Variants in MAGI1 observed in about 807,000 individuals in gnomAD.
The protein encoded by MAGI1 is membrane associated guanylate kinase, WW and PDZ domain containing 1, also known as membrane-associated guanylate kinase, WW and PDZ domain-containing protein 1.
A neutral mutation model predicts 139.9 loss-of-function variants in MAGI1; 58 were observed. The ratio of observed to expected loss-of-function variants is 0.41; its 90% CI spans 0.34 to 0.52. The LOEUF (loss-of-function observed/expected upper bound fraction) is 0.52. Among genes scored for constraint, MAGI1 ranks in the 20% least tolerant of loss-of-function variants. The pLI is 0.12. For synonymous variants in MAGI1, 812 were observed against 737.9 expected (o/e 1.10, Z -1.63); for missense variants, 1,874 against 1,901.6 (o/e 0.99, Z 0.27).
At chr3:65,507,418 T>G (rs183375566) in intron 2 of MAGI1, among the ~76,000 whole-genome samples, 6 of 152,274 alleles carry the variant, frequency 3.9e-5, no homozygotes, top group East Asian at 1.9e-4. Context: ...CACATAAAAT[T>G]GTATGAGGAT....
intron 1 of MAGI1, among the ~76,000 whole-genome samples, chr3:65,780,869 T>A (rs1403491774): frequency 6.6e-6 from 1 of 152,222 alleles, no homozygotes; most frequent in Non-Finnish European, 1.5e-5. Flanking sequence ...GTAAGGGCCA[T>A]GACTACGGGT....
At chr3:65,410,804 A>G (rs1336823636) in intron 12 of MAGI1, among the ~76,000 whole-genome samples, 1 of 151,474 alleles carries the variant, frequency 6.6e-6, no homozygotes, top group Non-Finnish European at 1.5e-5. Flanking sequence ...CAACGAGATC[A>G]GTCTCTGATT....
At chr3:65,951,023 GGAA>G (rs2063827664) in intron 1 of MAGI1, among the ~76,000 whole-genome samples, 12 of 103,944 alleles carry the variant, frequency 1.2e-4, no homozygotes, top group Admixed American at 5.0e-4. Flanking sequence ...AAGGAAGGAA[GGAA>G]GGAAGGAAGG....
chr3:65,494,059 G>A (rs543258986), intron 2 of MAGI1, among the ~76,000 whole-genome samples: 3 of 152,208 alleles, frequency 2.0e-5, no homozygotes, highest in East Asian at 1.9e-4. Context: ...TGAGATTCTC[G>A]TATTCCTCAA....
At chr3:65,551,042 T>C (rs993346580) in intron 2 of MAGI1, among the ~76,000 whole-genome samples, 1 of 152,152 alleles carries the variant, frequency 6.6e-6, no homozygotes, top group Admixed American at 6.5e-5. Flanking sequence ...GTAATCCCCA[T>C]GTGTCCAGGG....
chr3:65,563,591 C>T (rs1483923902), intron 2 of MAGI1, among the ~76,000 whole-genome samples: 1 of 152,150 alleles, frequency 6.6e-6, no homozygotes, highest in Non-Finnish European at 1.5e-5. Context: ...CTGCCAAAAC[C>T]CAGTGTGAAC....
Position 65,989,129 on chromosome 3 carries a change from T to G in MAGI1, c.313+48867A>C, listed in dbSNP as rs920594312. Among the ~76,000 whole-genome samples the G allele has an allele frequency of 2.6e-5, 4 of 152,238 alleles. 1 individual carries two copies. Among genetic ancestry groups the G allele is most frequent in the Non-Finnish European group, 5.9e-5 (4 of 68,042 alleles). ...AATTACACATTTAAAATGCTTCCTATGCAGACACTATTCAAAGCACTGTCA... is the reference window on the plus strand; with the variant it reads ...AATTACACATTTAAAATGCTTCCTAGGCAGACACTATTCAAAGCACTGTCA... On this transcript the variant is annotated intron_variant, in intron 1 of 22. Coordinates refer to ENST00000402939, the MANE Select transcript of MAGI1 (RefSeq NM_001033057.2).
intron 3 of MAGI1, among the ~76,000 whole-genome samples, chr3:65,490,528 T>A (rs1288621543): frequency 2.6e-5 from 4 of 152,124 alleles, no homozygotes; most frequent in Admixed American, 2.6e-4. Context: ...CAATATAATA[T>A]ACTCTGGTCA....
At chr3:65,854,574 T>C (rs1482004928) in intron 1 of MAGI1, among the ~76,000 whole-genome samples, 15 of 152,240 alleles carry the variant, frequency 9.9e-5, no homozygotes, top group Admixed American at 6.5e-4. Flanking sequence ...AATGGATAAC[T>C]TTGCAATATG....
intron 1 of MAGI1, among the ~76,000 whole-genome samples, chr3:65,856,886 G>A (rs2059394009): frequency 6.6e-6 from 1 of 152,190 alleles, no homozygotes; most frequent in African/African-American, 2.4e-5. Flanking sequence ...CCTAACGGAA[G>A]GGGAACTCAA....
At chr3:65,581,722 AC>A (rs2081433048) in intron 2 of MAGI1, among the ~76,000 whole-genome samples, 1 of 152,092 alleles carries the variant, frequency 6.6e-6, no homozygotes, top group African/African-American at 2.4e-5. Context: ...CCATCAGCAT[AC>A]CCAATACCCC....
At chr3:66,019,808 C>G (rs145579265) in intron 1 of MAGI1, among the ~76,000 whole-genome samples, 121 of 152,302 alleles carry the variant, frequency 7.9e-4, no homozygotes, top group Non-Finnish European at 1.4e-3. Flanking sequence ...TTTGACCTTT[C>G]TCTAAATCCA....
intron 1 of MAGI1, among the ~76,000 whole-genome samples, chr3:65,779,261 C>A (rs968582223): frequency 1.3e-5 from 2 of 152,128 alleles, no homozygotes; most frequent in Non-Finnish European, 2.9e-5. Flanking sequence ...GCTCTGGCAG[C>A]GTTAATGTGA....
At chr3:65,381,681 C>T (rs753899761) in intron 16 of MAGI1, among the ~76,000 whole-genome samples, 196 bp downstream of exon 16, 18 of 152,052 alleles carry the variant, frequency 1.2e-4, no homozygotes, top group Non-Finnish European at 2.2e-4. Flanking sequence ...CACATGCAAA[C>T]GGCACATTAA....
At chr3:65,569,431 T>C (rs985487413) in intron 2 of MAGI1, among the ~76,000 whole-genome samples, 1 of 152,142 alleles carries the variant, frequency 6.6e-6, no homozygotes, top group Non-Finnish European at 1.5e-5. Flanking sequence ...AAATGGTAAA[T>C]TTTTGTTATG....
chr3:65,592,216 T>C (rs1395385379), intron 2 of MAGI1, among the ~76,000 whole-genome samples: 3 of 152,194 alleles, frequency 2.0e-5, no homozygotes, highest in East Asian at 1.9e-4. Context: ...CCCTAGCACA[T>C]AGCAACCTAA....
At chr3:65,957,695 T>C (rs1200899486) in intron 1 of MAGI1, among the ~76,000 whole-genome samples, 1 of 152,056 alleles carries the variant, frequency 6.6e-6, no homozygotes, top group African/African-American at 2.4e-5. Flanking sequence ...GTCAGGACAA[T>C]GGTTACCAGG....
intron 1 of MAGI1, among the ~76,000 whole-genome samples, chr3:65,937,436 G>A (rs2063117783): frequency 6.6e-6 from 1 of 152,094 alleles, no homozygotes; most frequent in Non-Finnish European, 1.5e-5. Flanking sequence ...TAGAAGTCAG[G>A]TTTTTCCTGG....
chr3:65,930,378 C>T (rs2106720638), intron 1 of MAGI1, among the ~76,000 whole-genome samples: 1 of 149,574 alleles, frequency 6.7e-6, no homozygotes, highest in East Asian at 2.0e-4. Flanking sequence ...AAGGTCTTTC[C>T]ATTGTGTCTC....
Sources: gnomAD v4.1 joint callset for allele counts (sites outside exome capture counted in the v4.1 genomes callset) on GRCh38, gnomAD v4.1.1 for gene constraint, MANE v1.5 for transcripts, NCBI Gene and HGNC (gene_info 2026-07-23, HGNC 2026-07-21) for gene names.